MINK1: variants seen among roughly 807,000 people sequenced by gnomAD.
The protein encoded by MINK1 is misshapen-like kinase 1.
Under a neutral mutation model 178.4 loss-of-function variants are expected in MINK1, and 46 were observed. The observed-to-expected ratio is 0.26, with a 90% CI of 0.20 to 0.33. MINK1 has a LOEUF of 0.33. Among genes scored for constraint, MINK1 ranks in the 10% least tolerant of loss-of-function variants. The pLI is 1.00. For missense variants in MINK1, 1,366 were observed against 1,814.9 expected (o/e 0.75, Z 4.49); for synonymous variants, 797 against 709.7 (o/e 1.12, Z -1.96).
chr17:4,885,901 C>T lies in MINK1; in HGVS notation c.640-10C>T. On this transcript the variant is annotated splice_polypyrimidine_tract_variant and intron_variant, in intron 7 of 31. Coordinates refer to ENST00000355280, the MANE Select transcript of MINK1 (RefSeq NM_153827.5). The surrounding 1 kb of genome is among the most constrained non-coding windows in gnomAD (Gnocchi z 5.0). ...GGAATATTCACTTGTTCCTTCTTTC[C>T]CGTCTATAGAGTGATATTTGGTCTC... The T allele has an allele frequency of 6.2e-7, 1 of 1,613,438 alleles. No individual in the cohort carries two copies. Among genetic ancestry groups the T allele is most frequent in the Non-Finnish European group, 8.5e-7 (1 of 1,179,512 alleles).
chr17:4,874,719 C>A lies in MINK1; in HGVS notation c.58-3598C>A, dbSNP rs1043811657. Among the ~76,000 whole-genome samples the A allele has an allele frequency of 2.0e-5, 3 of 152,126 alleles. No homozygotes were observed. The South Asian group carries it at 6.2e-4, about 32-fold the overall frequency. On this transcript the variant is annotated intron_variant, in intron 1 of 31. Coordinates refer to ENST00000355280, the MANE Select transcript of MINK1 (RefSeq NM_153827.5). ...ATCTGGGTGGGGAGGGGGTGAGAGA[C>A]CACAACCAGAGTGCCACGTGCGGGA...
chr17:4,844,441 G>A, intron 1 of MINK1: 1 of 442,936 alleles, frequency 2.3e-6, no homozygotes, highest in South Asian at 1.6e-5. Context: ...CTGTTTCATG[G>A]GCTGGAGACA....
At position 4,896,857 on chromosome 17, in the gene MINK1, C is replaced by G; in HGVS notation, c.3915+44C>G. The G allele has an allele frequency of 1.3e-6, 2 of 1,529,628 alleles. No homozygotes were observed. Among genetic ancestry groups the G allele is most frequent in the Non-Finnish European group, 1.8e-6 (2 of 1,140,150 alleles). 94.8% of individuals were successfully genotyped at this position (1,529,628 alleles called of 1,614,324 possible). A position where few individuals can be genotyped will look rare whatever the true frequency, so the allele number is the denominator to read the frequency against. On this transcript the variant is annotated intron_variant, in intron 31 of 31. Transcript: ENST00000355280. The surrounding 1 kb of genome is among the most constrained non-coding windows in gnomAD (Gnocchi z 4.6). ...CTGAAAGCCCTGCTGTCCCGGCTGCCATGACCCTAGGCCCCTGGGCAGAGT... is the reference window on the plus strand; with the variant it reads ...CTGAAAGCCCTGCTGTCCCGGCTGCGATGACCCTAGGCCCCTGGGCAGAGT...
intron 1 of MINK1, among the ~76,000 whole-genome samples, chr17:4,843,557 G>A (rs941450627): frequency 6.6e-6 from 1 of 152,050 alleles, no homozygotes; most frequent in African/African-American, 2.4e-5. Flanking sequence ...TCTGTCTTCT[G>A]TTTGGAACAA....
chr17:4,860,913 A>C, intron 1 of MINK1: 1 of 444,182 alleles, frequency 2.3e-6, no homozygotes, highest in Non-Finnish European at 4.6e-6. Flanking sequence ...GAAATAGTTA[A>C]AGGGGGATTT....
At chr17:4,878,690 G>C (rs950503763) in intron 2 of MINK1, among the ~76,000 whole-genome samples, 1 of 152,198 alleles carries the variant, frequency 6.6e-6, no homozygotes, top group African/African-American at 2.4e-5. Flanking sequence ...GAACTCTCCT[G>C]GGATTCAGAG....
chr17:4,889,562 G>C, intron 12 of MINK1, 85 bp from the exon 13 acceptor site: 1 of 1,175,880 alleles, frequency 8.5e-7, no homozygotes, highest in Admixed American at 2.0e-5. Flanking sequence ...TGGTGAGCAA[G>C]GAGGGCTCCC....
chr17:4,893,918 C>CATCTGCT, intron 21 of MINK1, 70 bp from the exon 22 acceptor site: 2 of 1,288,058 alleles, frequency 1.6e-6, no homozygotes, highest in Admixed American at 2.8e-5. Context: ...CTCTGGCTGC[C>CATCTGCT]ATCTGCTGCC....
intron 1 of MINK1, among the ~76,000 whole-genome samples, chr17:4,859,979 CTT>C (rs1913883645): frequency 6.6e-6 from 1 of 151,648 alleles, no homozygotes; most frequent in Non-Finnish European, 1.5e-5. Flanking sequence ...CCGGGAACTA[CTT>C]GCCGCATGCG....
rs539977134 is a variant in MINK1, at chr17:4,892,530, C to G, written c.2198+18C>G. 1.3e-6 allele frequency: 2 copies of G among 1,540,822 alleles called. No individual in the cohort carries two copies. The highest frequency in any genetic ancestry group is 1.8e-6 in the Non-Finnish European group (2 of 1,133,346). On this transcript the variant is annotated intron_variant, in intron 18 of 31. Transcript: ENST00000355280. ...GCCTCTAGGTAATAGAGTTGTCCCC[C>G]AACTCACTCTCACCTCTCACTTCTG... is the stretch of plus-strand genomic sequence containing the variant.
At chr17:4,892,928 A>G in intron 19 of MINK1, 51 bp from the exon 20 acceptor site, 1 of 1,482,866 alleles carries the variant, frequency 6.7e-7, no homozygotes, top group Non-Finnish European at 9.2e-7. Flanking sequence ...TGTGGGCTTG[A>G]GGCCATCCCT....
At chr17:4,884,889 T>C (rs1439899748) in intron 5 of MINK1, 23 bp from the exon 6 acceptor site, 1 of 1,609,866 alleles carries the variant, frequency 6.2e-7, no homozygotes, top group Non-Finnish European at 8.5e-7. Context: ...CCATGGCTAA[T>C]TTTCCCTGCT....
At position 4,894,968 on chromosome 17, in the gene MINK1, C is replaced by T. The variant is rs1567624234; in HGVS notation, c.2918-107C>T. 3.3e-6 allele frequency: 4 copies of T among 1,228,586 alleles called. No individual in the cohort carries two copies. The highest frequency in any genetic ancestry group is 4.5e-6 in the Non-Finnish European group (4 of 879,282). 76.1% of individuals were successfully genotyped at this position (1,228,586 alleles called of 1,614,324 possible). ...CTCCTCTCCTCCTGTCTTTCTCCTCCTTTCTGCGTATTATGAGGTGCCAAG... is the reference window on the plus strand; with the variant it reads ...CTCCTCTCCTCCTGTCTTTCTCCTCTTTTCTGCGTATTATGAGGTGCCAAG... On this transcript the variant is annotated intron_variant, in intron 24 of 31. Coordinates refer to ENST00000355280, the MANE Select transcript of MINK1 (RefSeq NM_153827.5). This position sits in a 1 kb window ranked among gnomAD's most constrained non-coding sequence, Gnocchi z 4.1.
rs1908843461 is a variant in MINK1 at position 4,833,755 on chromosome 17, C to T, written c.57+115C>T. ...GCGCCCCCTCCACCAGCTTGGGTCC[C>T]CTTGGCGACCCGTGCCCCTTTCCCG... On this transcript the variant is annotated intron_variant, in intron 1 of 31. Coordinates refer to ENST00000355280, the MANE Select transcript of MINK1 (RefSeq NM_153827.5). The surrounding 1 kb of genome is among the most constrained non-coding windows in gnomAD (Gnocchi z 4.8). 2 of 814,038 alleles carry T rather than the reference C, an allele frequency of 2.5e-6. No homozygotes were observed. The highest frequency in any genetic ancestry group is 3.6e-6 in the Non-Finnish European group (2 of 560,662). 50.4% of individuals were successfully genotyped at this position (814,038 alleles called of 1,614,324 possible). A position where few individuals can be genotyped will look rare whatever the true frequency, so the allele number is the denominator to read the frequency against.
Position 4,892,129 on chromosome 17 carries a change from A to G in MINK1, c.2002-20A>G. On this transcript the variant is annotated intron_variant, in intron 16 of 31. Coordinates refer to ENST00000355280, the MANE Select transcript of MINK1 (RefSeq NM_153827.5). ...GCCTGTCGCAGCGCCAGCTCGCAGC[A>G]CGTGGACTTCTCTCCACAGGTGCCT... 1 of 1,571,410 alleles carries G rather than the reference A, an allele frequency of 6.4e-7. No homozygotes were observed. The highest frequency in any genetic ancestry group is 8.7e-7 in the Non-Finnish European group (1 of 1,155,932).
chr17:4,877,070 G>C (rs957660367), intron 1 of MINK1, among the ~76,000 whole-genome samples: 2 of 150,846 alleles, frequency 1.3e-5, no homozygotes, highest in East Asian at 3.9e-4. Flanking sequence ...CTGGGTGACA[G>C]AGTGAGACTC....
intron 1 of MINK1, among the ~76,000 whole-genome samples, chr17:4,845,491 A>G (rs895221252): frequency 2.0e-5 from 3 of 152,094 alleles, no homozygotes; most frequent in African/African-American, 7.2e-5. Flanking sequence ...GCATTTCTGT[A>G]TTAGTATGTG....
Position 4,853,368 on chromosome 17 carries a change from GGAGTGTGGTTGGTGGGAA to G in MINK1, c.57+19741_57+19758del, listed in dbSNP as rs1343343644. Among the ~76,000 whole-genome samples, 5 of 96,674 alleles carry G rather than the reference GGAGTGTGGTTGGTGGGAA, an allele frequency of 5.2e-5. No individual in the cohort carries two copies. The South Asian group carries it at 1.7e-3, about 33-fold the overall frequency. 63.4% of individuals were successfully genotyped at this position (96,674 alleles called of 152,430 possible). On this transcript the variant is annotated intron_variant, in intron 1 of 31. Transcript: ENST00000355280. The stretch of plus-strand genomic sequence containing the variant: ...GTTGGTGGGAAGAGTGTGGTTGGGG[GGAGTGTGGTTGGTGGGAA>G]GAGTGTGGTTGGGGGAGTGTGGTTG...
intron 1 of MINK1, among the ~76,000 whole-genome samples, chr17:4,860,042 G>A (rs1358574121): frequency 6.6e-6 from 1 of 152,060 alleles, no homozygotes; most frequent in African/African-American, 2.4e-5. Context: ...GGCCCCATGC[G>A]GAGCGGGGTA....
Sources: allele counts gnomAD v4.1 joint callset (sites outside exome capture counted in the v4.1 genomes callset), GRCh38; gene constraint gnomAD v4.1.1; non-coding constraint Gnocchi (gnomAD v3.1); transcripts MANE v1.5; gene names NCBI Gene and HGNC (gene_info 2026-07-23, HGNC 2026-07-21).